Variants in PRIM2 observed in about 807,000 individuals in gnomAD.
PRIM2 encodes the protein DNA primase large subunit.
Under a neutral mutation model 67.3 loss-of-function variants are expected in PRIM2, and 39 were observed. The ratio of observed to expected loss-of-function variants is 0.58; its 90% CI spans 0.45 to 0.76. The LOEUF (loss-of-function observed/expected upper bound fraction) is 0.76. Among genes scored for constraint, PRIM2 ranks in the 30% least tolerant of loss-of-function variants. PRIM2 has a pLI of 0.00. For synonymous variants in PRIM2, 143 were observed against 198.7 expected (o/e 0.72, Z 2.36); for missense variants, 398 against 598.7 (o/e 0.66, Z 3.50).
the PRIM2 span, among the ~76,000 whole-genome samples, chr6:57,307,342 T>C: frequency 1.1e-4 from 17 of 151,922 alleles, no homozygotes; most frequent in African/African-American, 3.4e-4. Flanking sequence ...CAAGCTCTGC[T>C]TCCTGGGTTC....
the PRIM2 span, among the ~76,000 whole-genome samples, chr6:57,257,859 G>C: frequency 6.6e-6 from 1 of 152,194 alleles, no homozygotes; most frequent in South Asian, 2.1e-4. Flanking sequence ...CCTAATGTTA[G>C]CTATTTTCAT....
the PRIM2 span, among the ~76,000 whole-genome samples, chr6:57,266,415 A>G: frequency 0.16 from 23,602 of 152,182 alleles, 2,160 homozygotes; most frequent in African/African-American, 0.25. Flanking sequence ...TGTCAACTCT[A>G]AAAATATCAG....
At chr6:57,602,436 C>T (rs1352053472) in intron 11 of PRIM2, among the ~76,000 whole-genome samples, 2 of 152,106 alleles carry the variant, frequency 1.3e-5, no homozygotes, top group East Asian at 3.9e-4. Flanking sequence ...CAGGGTGCAC[C>T]CTCAGTCATA....
intron 7 of PRIM2, among the ~76,000 whole-genome samples, chr6:57,487,663 A>AT (rs1168625347): frequency 6.6e-4 from 100 of 152,038 alleles, no homozygotes; most frequent in Admixed American, 3.0e-3. Context: ...AAATAATTTG[A>AT]TTTTTTTTTA....
intron 8 of PRIM2, among the ~76,000 whole-genome samples, chr6:57,531,706 G>C (rs1302421531): frequency 9.9e-5 from 15 of 152,100 alleles, no homozygotes; most frequent in African/African-American, 3.4e-4. Context: ...GAATCAAAAG[G>C]TTTGAGTTCC....
intron 12 of PRIM2, among the ~76,000 whole-genome samples, chr6:57,607,763 A>G (rs1265433291): frequency 6.6e-6 from 1 of 152,202 alleles, no homozygotes; most frequent in Non-Finnish European, 1.5e-5. Context: ...TTTTGAAAAC[A>G]ATACAAGTTC....
At chr6:57,279,716 C>T in the PRIM2 span, among the ~76,000 whole-genome samples, 1 of 152,220 alleles carries the variant, frequency 6.6e-6, no homozygotes, top group Non-Finnish European at 1.5e-5. Context: ...GCTCCAAAGC[C>T]TGGATAATAA....
chr6:57,572,507 G>A (rs1775881251), intron 10 of PRIM2, among the ~76,000 whole-genome samples: 2 of 152,126 alleles, frequency 1.3e-5, no homozygotes, highest in African/African-American at 2.4e-5. Flanking sequence ...TTTTCATAAC[G>A]GAAGGGAAGA....
At chr6:57,395,863 A>C (rs1439633937) in intron 7 of PRIM2, among the ~76,000 whole-genome samples, 1 of 152,036 alleles carries the variant, frequency 6.6e-6, no homozygotes, top group South Asian at 2.1e-4. Flanking sequence ...AGGTTGTGTC[A>C]TTATTGTTAT....
intron 6 of PRIM2, among the ~76,000 whole-genome samples, chr6:57,381,107 CA>C (rs1769945735): frequency 6.6e-6 from 1 of 152,120 alleles, no homozygotes. Flanking sequence ...GGTGCAGTAT[CA>C]CACAATTTAC....
intron 8 of PRIM2, among the ~76,000 whole-genome samples, chr6:57,521,111 G>T (rs1215956897): frequency 7.9e-5 from 12 of 152,158 alleles, no homozygotes; most frequent in Admixed American, 3.3e-4. Context: ...TTCTCATTTG[G>T]AATAACTGCA....
At chr6:57,593,929 A>T (rs1357579740) in intron 10 of PRIM2, among the ~76,000 whole-genome samples, 8 of 152,220 alleles carry the variant, frequency 5.3e-5, no homozygotes, top group Non-Finnish European at 1.0e-4. Flanking sequence ...TTTTAGAGAG[A>T]TTAGCTTTCC....
chr6:57,360,604 TCG>T (rs1266985598), intron 5 of PRIM2, among the ~76,000 whole-genome samples: 1 of 152,180 alleles, frequency 6.6e-6, no homozygotes, highest in Non-Finnish European at 1.5e-5. Flanking sequence ...AATGGGAGTA[TCG>T]TGGATGAATA....
At chr6:57,307,443 T>C in the PRIM2 span, among the ~76,000 whole-genome samples, 5 of 151,752 alleles carry the variant, frequency 3.3e-5, no homozygotes, top group African/African-American at 7.3e-5. Flanking sequence ...TTAGTAGAGA[T>C]GGGGTTTCAC....
At chr6:57,270,106 C>T in the PRIM2 span, among the ~76,000 whole-genome samples, 8 of 151,702 alleles carry the variant, frequency 5.3e-5, no homozygotes, top group African/African-American at 1.2e-4. Flanking sequence ...ATTGACTTGG[C>T]GATGCGGGCT....
intron 7 of PRIM2, chr6:57,383,153 T>A (rs1176629083): frequency 6.6e-6 from 1 of 152,326 alleles, no homozygotes; most frequent in African/African-American, 2.4e-5. Context: ...TCTTTACTTG[T>A]CTGTCACTAC....
chr6:57,552,547 G>A (rs1775425193), intron 10 of PRIM2, among the ~76,000 whole-genome samples: 1 of 152,154 alleles, frequency 6.6e-6, no homozygotes, highest in South Asian at 2.1e-4. Flanking sequence ...ATCCCCCACT[G>A]GAAAGATACT....
At chr6:57,635,183 C>A (rs1777098151) in intron 13 of PRIM2, among the ~76,000 whole-genome samples, 1 of 152,088 alleles carries the variant, frequency 6.6e-6, no homozygotes, top group Non-Finnish European at 1.5e-5. Flanking sequence ...ATACCAGCTG[C>A]CTCATTATAA....
chr6:57,579,304 G>T (rs1776033717), intron 10 of PRIM2, among the ~76,000 whole-genome samples: 1 of 151,678 alleles, frequency 6.6e-6, no homozygotes, highest in East Asian at 1.9e-4. Context: ...ATAGATCCAT[G>T]TTTTTTTTGT....
Sources: gnomAD v4.1 joint callset for allele counts (sites outside exome capture counted in the v4.1 genomes callset) on GRCh38, gnomAD v4.1.1 for gene constraint, MANE v1.5 for transcripts, NCBI Gene and HGNC (gene_info 2026-07-23, HGNC 2026-07-21) for gene names.